PTPRN2: variants seen among roughly 807,000 people sequenced by gnomAD.
PTPRN2 encodes receptor-type tyrosine-protein phosphatase N2.
Under a neutral mutation model 118.8 loss-of-function variants are expected in PTPRN2, and 74 were observed. The ratio of observed to expected loss-of-function variants is 0.62; its 90% CI spans 0.52 to 0.76. The LOEUF (loss-of-function observed/expected upper bound fraction) is 0.76. Ranked by LOEUF, PTPRN2 falls within the 30% of genes least tolerant of loss-of-function variation. PTPRN2 has a pLI of 0.00. For missense variants in PTPRN2, 1,481 were observed against 1,394.4 expected (o/e 1.06, Z -0.99); for synonymous variants, 641 against 608.0 (o/e 1.05, Z -0.80).
intron 5 of PTPRN2, among the ~76,000 whole-genome samples, chr7:158,177,757 T>C (rs189061876): frequency 1.4e-4 from 21 of 152,320 alleles, no homozygotes; most frequent in Admixed American, 1.0e-3. Context: ...TCAAACAAAA[T>C]TTCTTTGTCC....
chr7:157,860,430 C>T lies in PTPRN2; in HGVS notation c.1788+38243G>A, dbSNP rs76579749. 4.3e-4 allele frequency among the ~76,000 whole-genome samples: 66 copies of T among 152,332 alleles called. 2 individuals carry two copies. In the East Asian group the frequency reaches 0.012, roughly 27 times the overall value. Reference sequence around the variant, plus strand: ...ACAGGATCCACGTCTTGGTTATTATCGAACACTCTTGGAGCTTCCCAAGAC... The same window carrying T: ...ACAGGATCCACGTCTTGGTTATTATTGAACACTCTTGGAGCTTCCCAAGAC... On this transcript the variant is annotated intron_variant, in intron 12 of 22. Coordinates refer to ENST00000389418, the MANE Select transcript of PTPRN2 (RefSeq NM_002847.5).
At position 157,839,704 on chromosome 7, in the gene PTPRN2, G is replaced by A. The variant is rs111204850; in HGVS notation, c.1788+58969C>T. Among the ~76,000 whole-genome samples the A allele has an allele frequency of 5.8e-3, 874 of 151,960 alleles. 11 individuals are homozygous for A. Among genetic ancestry groups the A allele is most frequent in the African/African-American group, 0.019 (783 of 41,430 alleles). ...GGAATGTGTATGTGCAACTGTGTGG[G>A]AGTGCATGTCTGTGTGACTGTGTGA... On this transcript the variant is annotated intron_variant, in intron 12 of 22. Coordinates refer to ENST00000389418, the MANE Select transcript of PTPRN2 (RefSeq NM_002847.5).
chr7:158,258,754 G>A (rs900650732), intron 3 of PTPRN2, among the ~76,000 whole-genome samples: 2 of 152,184 alleles, frequency 1.3e-5, no homozygotes, highest in Non-Finnish European at 2.9e-5. Flanking sequence ...TGTTGCTTCT[G>A]TATCTGTTTG....
chr7:158,333,644 C>T (rs1804959428), intron 2 of PTPRN2, among the ~76,000 whole-genome samples: 1 of 151,520 alleles, frequency 6.6e-6, no homozygotes, highest in Non-Finnish European at 1.5e-5. Flanking sequence ...TCACTCACAC[C>T]CACATTCTCA....
intron 1 of PTPRN2, among the ~76,000 whole-genome samples, chr7:158,557,677 A>G (rs1827133718): frequency 6.6e-6 from 1 of 152,176 alleles, no homozygotes. Flanking sequence ...TTTAGAACCC[A>G]CTGAGATTTC....
rs532634019 is a variant in PTPRN2, at chr7:157,757,314, G to C, written c.1789-74377C>G. ...GTGGCCCACGGAGGAGGAGCACTGAGCCGCCTCCTATGGCAGCGACACAGA... is the reference window on the plus strand; with the variant it reads ...GTGGCCCACGGAGGAGGAGCACTGACCCGCCTCCTATGGCAGCGACACAGA... On this transcript the variant is annotated intron_variant, in intron 12 of 22. Transcript: ENST00000389418. 3.0e-4 allele frequency among the ~76,000 whole-genome samples: 45 copies of C among 152,352 alleles called. 1 individual carries two copies. The highest frequency in any genetic ancestry group is 1.0e-3 in the African/African-American group (42 of 41,580).
chr7:157,557,891 A>T (rs977986696), intron 21 of PTPRN2, among the ~76,000 whole-genome samples: 1 of 151,574 alleles, frequency 6.6e-6, no homozygotes, highest in Admixed American at 6.6e-5. Flanking sequence ...GAAAATGTAG[A>T]AGTGTATGAA....
intron 2 of PTPRN2, among the ~76,000 whole-genome samples, chr7:158,441,997 G>A (rs1817346231): frequency 1.3e-5 from 2 of 150,602 alleles, no homozygotes; most frequent in African/African-American, 4.9e-5. Flanking sequence ...TGATAGTGAT[G>A]GTCATGGCAG....
At chr7:158,034,004 C>T (rs957285822) in intron 11 of PTPRN2, among the ~76,000 whole-genome samples, 3 of 150,940 alleles carry the variant, frequency 2.0e-5, no homozygotes, top group African/African-American at 7.3e-5. Flanking sequence ...ACTCTGAGAC[C>T]TGGGCGAGCG....
rs1396988862 is a variant in PTPRN2, at chr7:157,618,482, A to T, written c.2344+2880T>A. 1 of 152,416 alleles carries T rather than the reference A, an allele frequency of 6.6e-6. No homozygotes were observed. The highest frequency in any genetic ancestry group is 1.5e-5 in the Non-Finnish European group (1 of 68,214). The allele number at this position is 152,416 out of a possible 1,614,324, so 9.4% of individuals were successfully genotyped here. A position where few individuals can be genotyped will look rare whatever the true frequency, so the allele number is the denominator to read the frequency against. ...CGTCCCCCCACCATGACAGCGCAGC[A>T]TGGGCCTTCCAAGCCACAGAGCCAC... On this transcript the variant is annotated intron_variant, in intron 15 of 22. Transcript: ENST00000389418. The surrounding 1 kb of genome is among the most constrained non-coding windows in gnomAD (Gnocchi z 4.2).
chr7:158,317,173 A>G (rs2151095829), intron 2 of PTPRN2, among the ~76,000 whole-genome samples: 1 of 152,266 alleles, frequency 6.6e-6, no homozygotes, highest in South Asian at 2.1e-4. Flanking sequence ...TGTGGCTGCA[A>G]TGTTGTCACT....
intron 11 of PTPRN2, among the ~76,000 whole-genome samples, chr7:158,063,437 T>A (rs1316899758): frequency 6.6e-6 from 1 of 152,078 alleles, no homozygotes; most frequent in Non-Finnish European, 1.5e-5. Context: ...CAGCTCTCTG[T>A]AAAATAGACC....
At chr7:158,258,870 G>T (rs983647045) in intron 3 of PTPRN2, among the ~76,000 whole-genome samples, 8 of 152,228 alleles carry the variant, frequency 5.3e-5, no homozygotes. Context: ...GCCACGCGAG[G>T]TCTGTCCACG....
intron 21 of PTPRN2, among the ~76,000 whole-genome samples, chr7:157,553,491 T>C (rs1187786716): frequency 6.6e-6 from 1 of 152,120 alleles, no homozygotes; most frequent in Non-Finnish European, 1.5e-5. Context: ...CGTCCTCACA[T>C]AAAATGTGAT....
At chr7:158,197,571 T>G (rs1826306205) in intron 4 of PTPRN2, among the ~76,000 whole-genome samples, 1 of 152,246 alleles carries the variant, frequency 6.6e-6, no homozygotes, top group African/African-American at 2.4e-5. Context: ...TGTATTACTT[T>G]GTTCCCACAC....
In PTPRN2 at chr7:157,898,728, T is replaced by C; in HGVS notation, c.1733A>G (p.Lys578Arg). 1 of 1,606,084 alleles carries C rather than the reference T, an allele frequency of 6.2e-7. No homozygotes were observed. Among genetic ancestry groups the C allele is most frequent in the South Asian group, 1.1e-5 (1 of 90,946 alleles). ...EDVEKATVDN[K>R]DKLEETSGLK... ...TCCAGAGGTTTCCTCCAGTTTGTCT[T>C]TGTTGTCAACTGTTAGGAAAAATCA... The change falls in exon 12 of 23, where the codon AAA becomes AGA. Residue 578 changes from lysine to arginine, a missense_variant. Around this residue, in one of 3 missense-constraint regions of PTPRN2, gnomAD observed 1,115 missense variants for 994.2 expected, o/e 1.12. Coordinates refer to ENST00000389418, the MANE Select transcript of PTPRN2 (RefSeq NM_002847.5).
At chr7:158,159,786 GA>G (rs1039378015) in intron 6 of PTPRN2, among the ~76,000 whole-genome samples, 20 of 151,944 alleles carry the variant, frequency 1.3e-4, no homozygotes, top group Non-Finnish European at 2.2e-4. Context: ...GTATCTATAT[GA>G]AAAAAAACTA....
chr7:158,196,541 C>T (rs145953950), intron 4 of PTPRN2, among the ~76,000 whole-genome samples: 1 of 151,502 alleles, frequency 6.6e-6, no homozygotes, highest in Non-Finnish European at 1.5e-5. Flanking sequence ...ACACTGAGTC[C>T]AACCTCTCCT....
chr7:158,033,446 G>A (rs1243039037), intron 11 of PTPRN2, among the ~76,000 whole-genome samples: 2 of 152,188 alleles, frequency 1.3e-5, no homozygotes, highest in African/African-American at 4.8e-5. Flanking sequence ...GGTCATTTGT[G>A]GTGGGCCCCT....
Sources: allele counts gnomAD v4.1 joint callset (sites outside exome capture counted in the v4.1 genomes callset), GRCh38; gene constraint gnomAD v4.1.1; regional missense constraint gnomAD v4.1.1; non-coding constraint Gnocchi (gnomAD v3.1); transcripts MANE v1.5; gene names NCBI Gene and HGNC (gene_info 2026-07-23, HGNC 2026-07-21).